The following COBLL1 variants were observed in gnomAD, a reference collection of about 807,000 sequenced individuals.
COBLL1 encodes cordon-bleu protein-like 1.
A neutral mutation model predicts 94.8 loss-of-function variants in COBLL1; 50 were observed. The observed-to-expected ratio is 0.53, with a 90% confidence interval of 0.42 to 0.67. The LOEUF (loss-of-function observed/expected upper bound fraction) is 0.67, where lower values mean the gene tolerates loss of function less well. Ranked by LOEUF, COBLL1 falls within the 30% of genes least tolerant of loss-of-function variation. The pLI is 0.00. For synonymous variants in COBLL1, 448 were observed against 473.8 expected, an observed-to-expected ratio of 0.95 and a Z score of 0.71; for missense variants, 1,362 against 1,348.7, an observed-to-expected ratio of 1.01 and a Z score of -0.15.
At chr2:164,821,090 T>C in intron 2 of COBLL1, among the ~76,000 whole-genome samples, 1 of 152,124 alleles carries the variant, frequency 6.6e-6, no homozygotes. Flanking sequence ...GGTTTCACCA[T>C]GTTGGCCAGG....
At chr2:164,831,809 T>TA (rs1020898786) in intron 2 of COBLL1, among the ~76,000 whole-genome samples, 9 of 151,862 alleles carry the variant, frequency 5.9e-5, no homozygotes, top group African/African-American at 1.2e-4. Context: ...CTATCAGGCA[T>TA]AAAAAAAAGA....
chr2:164,740,605 T>G (rs1686538153), intron 3 of COBLL1, among the ~76,000 whole-genome samples: 1 of 152,208 alleles, frequency 6.6e-6, no homozygotes, highest in Admixed American at 6.5e-5. Context: ...AATATTCATT[T>G]TGATAAATTC....
chr2:164,783,479 A>C (rs531687325), intron 2 of COBLL1, among the ~76,000 whole-genome samples: 1 of 152,226 alleles, frequency 6.6e-6, no homozygotes, highest in African/African-American at 2.4e-5. Flanking sequence ...AGAGCCTCTC[A>C]AGTTGTGGGC....
intron 2 of COBLL1, among the ~76,000 whole-genome samples, chr2:164,664,061 G>A (rs1017575390): frequency 3.9e-5 from 6 of 152,182 alleles, no homozygotes; most frequent in African/African-American, 1.2e-4. Flanking sequence ...ATACCTAGAA[G>A]AGGCTTCACA....
chr2:164,790,574 CTTAAAG>C (rs1162817583), intron 2 of COBLL1, among the ~76,000 whole-genome samples: 1 of 152,120 alleles, frequency 6.6e-6, no homozygotes, highest in African/African-American at 2.4e-5. Flanking sequence ...CATCATTTTA[CTTAAAG>C]TTGAAGTTTC....
Position 164,841,372 on chromosome 2 carries a change from G to A in COBLL1, c.-50-126C>T. On this transcript the variant is annotated intron_variant, in intron 1 of 13. Transcript: ENST00000652658. This position sits in a 1 kb window ranked among gnomAD's most constrained non-coding sequence, Gnocchi z 5.5. ...CCCGGCCGGCCCGCCTCCCGGGTGC[G>A]CTTCCACCTGCGGGCCCCGGCTCCC... 8.4e-7 allele frequency: 1 copy of A among 1,183,776 alleles called. No individual in the cohort carries two copies. Among genetic ancestry groups the A allele is most frequent in the Non-Finnish European group, 1.0e-6 (1 of 957,612 alleles). 73.3% of individuals were successfully genotyped at this position (1,183,776 alleles called of 1,614,324 possible). A position where few individuals can be genotyped will look rare whatever the true frequency, so the allele number is the denominator to read the frequency against.
At chr2:164,725,320 C>T (rs953651871) in intron 5 of COBLL1, among the ~76,000 whole-genome samples, 24 of 151,750 alleles carry the variant, frequency 1.6e-4, no homozygotes, top group South Asian at 2.1e-4. Flanking sequence ...TGGAATACAC[C>T]GCTTATCGCA....
At position 164,841,062 on chromosome 2, in the gene COBLL1, A is replaced by T; in HGVS notation, c.41+94T>A. 3.4e-6 allele frequency: 4 copies of T among 1,185,222 alleles called. No individual in the cohort carries two copies. Among genetic ancestry groups the T allele is most frequent in the Non-Finnish European group, 4.2e-6 (4 of 947,002 alleles). 73.4% of individuals were successfully genotyped at this position (1,185,222 alleles called of 1,614,324 possible). ...CAGTGAGTCAGGCCGCCGGCAGGGCAGCGAGTTGCCAGCCAGGTGAAACGG... is the reference window on the plus strand; with the variant it reads ...CAGTGAGTCAGGCCGCCGGCAGGGCTGCGAGTTGCCAGCCAGGTGAAACGG... On this transcript the variant is annotated intron_variant, in intron 2 of 13. Coordinates refer to ENST00000652658, the MANE Select transcript of COBLL1 (RefSeq NM_001365672.2). The surrounding 1 kb of genome is among the most constrained non-coding windows in gnomAD (Gnocchi z 5.5).
rs1001315863 is a variant in COBLL1, at chr2:164,685,319, T to C, written c.*627A>G. 6.6e-6 allele frequency: 1 copy of C among 152,132 alleles called. No individual in the cohort carries two copies. The highest frequency in any genetic ancestry group is 1.5e-5 in the Non-Finnish European group (1 of 67,998). 9.4% of individuals were successfully genotyped at this position (152,132 alleles called of 1,614,324 possible). A position where few individuals can be genotyped will look rare whatever the true frequency, so the allele number is the denominator to read the frequency against. ...AGATTAAAAAAACAAGAGTTCCATG[T>C]TAATAAAATATTAAAATACTATGAG... On this transcript the variant is annotated 3_prime_UTR_variant, in exon 14 of 14. Coordinates refer to ENST00000652658, the MANE Select transcript of COBLL1 (RefSeq NM_001365672.2).
Position 164,821,785 on chromosome 2 carries a change from T to C in COBLL1, c.41+19371A>G, listed in dbSNP as rs1022997875. On this transcript the variant is annotated intron_variant, in intron 2 of 13. Coordinates refer to ENST00000652658, the MANE Select transcript of COBLL1 (RefSeq NM_001365672.2). Reference sequence around the variant, plus strand: ...TCTAATGATTAAGGGCTGAAAAACCTGCTTTCCGAGAATCATATTCCATGA... The same window carrying C: ...TCTAATGATTAAGGGCTGAAAAACCCGCTTTCCGAGAATCATATTCCATGA... Among the ~76,000 whole-genome samples the C allele has an allele frequency of 3.3e-5, 5 of 152,234 alleles. No homozygotes were observed. The South Asian group carries it at 1.0e-3, about 31-fold the overall frequency.
chr2:164,672,194 C>G (rs1691252725), intron 1 of COBLL1, among the ~76,000 whole-genome samples: 1 of 152,302 alleles, frequency 6.6e-6, no homozygotes. Flanking sequence ...TATTTTTGCA[C>G]TTTCCCTCAC....
intron 2 of COBLL1, among the ~76,000 whole-genome samples, chr2:164,783,151 C>T (rs1469831571): frequency 6.6e-6 from 1 of 152,122 alleles, no homozygotes; most frequent in African/African-American, 2.4e-5. Context: ...CCTATAATTC[C>T]ATCACTTTGA....
In COBLL1 at chr2:164,841,286, G is replaced by A. The variant is rs1683597718; in HGVS notation, c.-50-40C>T. 15 of 1,218,500 alleles carry A rather than the reference G, an allele frequency of 1.2e-5. No homozygotes were observed. Among genetic ancestry groups the A allele is most frequent in the Non-Finnish European group, 1.5e-5 (15 of 979,444 alleles). 75.5% of individuals were successfully genotyped at this position (1,218,500 alleles called of 1,614,324 possible). A position where few individuals can be genotyped will look rare whatever the true frequency, so the allele number is the denominator to read the frequency against. On this transcript the variant is annotated intron_variant, in intron 1 of 13. Transcript: ENST00000652658. This position sits in a 1 kb window ranked among gnomAD's most constrained non-coding sequence, Gnocchi z 5.5. The stretch of plus-strand genomic sequence containing the variant: ...GCCGGCGGGTCAGGGCGGGACGCGC[G>A]CCTTCCCGAGGCCGGAGCGAAGCTG...
At chr2:164,809,188 C>T (rs72882440) in intron 2 of COBLL1, among the ~76,000 whole-genome samples, 2,351 of 152,078 alleles carry the variant, frequency 0.015, 29 homozygotes, top group South Asian at 0.028. Context: ...AATCTGTTCT[C>T]GCCCTTCAAT....
At chr2:164,784,947 G>T (rs1481867628) in intron 2 of COBLL1, among the ~76,000 whole-genome samples, 1 of 152,114 alleles carries the variant, frequency 6.6e-6, no homozygotes, top group Non-Finnish European at 1.5e-5. Flanking sequence ...GGGGCCTAAT[G>T]AGAGATGTTT....
intron 2 of COBLL1, among the ~76,000 whole-genome samples, chr2:164,834,413 T>C (rs56105311): frequency 0.13 from 19,761 of 152,246 alleles, 1,862 homozygotes; most frequent in Admixed American, 0.28. Context: ...CAGCCAAGTC[T>C]AGTCTTTACT....
At chr2:164,668,830 A>C (rs954348366) in intron 1 of COBLL1, among the ~76,000 whole-genome samples, 8 of 152,120 alleles carry the variant, frequency 5.3e-5, no homozygotes, top group Non-Finnish European at 7.4e-5. Flanking sequence ...CTTGGGTTTC[A>C]TTTATAATTA....
At chr2:164,736,835 A>G (rs536648224) in intron 3 of COBLL1, among the ~76,000 whole-genome samples, 2 of 152,326 alleles carry the variant, frequency 1.3e-5, no homozygotes, top group South Asian at 2.1e-4. Flanking sequence ...GCACATATAG[A>G]TGGGTGTACA....
At chr2:164,815,330 C>T (rs1295547014) in intron 2 of COBLL1, among the ~76,000 whole-genome samples, 4 of 147,406 alleles carry the variant, frequency 2.7e-5, no homozygotes, top group Non-Finnish European at 3.0e-5. Context: ...ACCCAGGAGG[C>T]GGAGGTTGCA....
Sources: gnomAD v4.1 joint callset for allele counts (sites outside exome capture counted in the v4.1 genomes callset) on GRCh38, gnomAD v4.1.1 for gene constraint, Gnocchi (gnomAD v3.1) non-coding constraint, MANE v1.5 for transcripts, NCBI Gene and HGNC (gene_info 2026-07-23, HGNC 2026-07-21) for gene names.